ESRRB: variants seen among roughly 807,000 people sequenced by gnomAD.
The protein encoded by ESRRB is steroid hormone receptor ERR2.
A neutral mutation model predicts 46.0 loss-of-function variants in ESRRB; 16 were observed. The observed-to-expected ratio is 0.35, with a 90% confidence interval of 0.24 to 0.53. The LOEUF (loss-of-function observed/expected upper bound fraction) is 0.53. Among genes scored for constraint, ESRRB ranks in the 20% least tolerant of loss-of-function variants. The probability of loss-of-function intolerance (pLI) is 0.93; values close to 1 mark genes in which losing one functional copy is unlikely to be tolerated. For synonymous variants in ESRRB, 246 were observed against 259.6 expected, an observed-to-expected ratio of 0.95 and a Z score of 0.50; for missense variants, 488 against 607.4, an observed-to-expected ratio of 0.80 and a Z score of 2.07.
intron 2 of ESRRB, among the ~76,000 whole-genome samples, chr14:76,458,443 C>T (rs1164099882): frequency 8.0e-6 from 1 of 124,420 alleles, no homozygotes; most frequent in Non-Finnish European, 1.7e-5. Flanking sequence ...CACACACACA[C>T]ACACACACAC....
At chr14:76,394,915 A>G (rs1885611565) in intron 1 of ESRRB, among the ~76,000 whole-genome samples, 1 of 152,212 alleles carries the variant, frequency 6.6e-6, no homozygotes, top group Non-Finnish European at 1.5e-5. Context: ...AAGAAAATTA[A>G]AAGATAAAAA....
chr14:76,449,635 T>A (rs1019319218), intron 2 of ESRRB, among the ~76,000 whole-genome samples: 3 of 152,172 alleles, frequency 2.0e-5, no homozygotes, highest in Admixed American at 6.5e-5. Flanking sequence ...GCGGTCTTCT[T>A]AGGACCATGT....
At chr14:76,366,096 A>C (rs145052898) in intron 1 of ESRRB, among the ~76,000 whole-genome samples, 173 of 152,284 alleles carry the variant, frequency 1.1e-3, no homozygotes, top group African/African-American at 2.8e-3. Flanking sequence ...ACCTTCAGGG[A>C]GTGATCGTAT....
intron 1 of ESRRB, among the ~76,000 whole-genome samples, chr14:76,421,086 G>A (rs1886934423): frequency 6.6e-6 from 1 of 152,194 alleles, no homozygotes; most frequent in Non-Finnish European, 1.5e-5. Flanking sequence ...AGTCTGTTTG[G>A]CCTGCCAGCT....
intron 1 of ESRRB, among the ~76,000 whole-genome samples, chr14:76,386,439 A>G (rs1054622525): frequency 6.7e-6 from 1 of 148,548 alleles, no homozygotes; most frequent in Non-Finnish European, 1.5e-5. Context: ...GATTAATTCT[A>G]GGTTCGGTTT....
At chr14:76,492,495 T>C (rs1427629322) in intron 6 of ESRRB, among the ~76,000 whole-genome samples, 9 of 152,220 alleles carry the variant, frequency 5.9e-5, no homozygotes, top group Non-Finnish European at 1.0e-4. Context: ...TAGGAGTTTA[T>C]TGAATTCTTA....
intron 5 of ESRRB, among the ~76,000 whole-genome samples, chr14:76,489,321 C>G (rs1333871004): frequency 2.6e-5 from 4 of 152,066 alleles, no homozygotes; most frequent in Admixed American, 6.6e-5. Flanking sequence ...CAAGGCCTCT[C>G]TCCTACTCAA....
chr14:76,356,114 A>T (rs1417088814), intron 1 of ESRRB, among the ~76,000 whole-genome samples: 1 of 152,302 alleles, frequency 6.6e-6, no homozygotes, highest in Non-Finnish European at 1.5e-5. Flanking sequence ...GCCCTTTCTC[A>T]TCATCACCAC....
intron 1 of ESRRB, among the ~76,000 whole-genome samples, chr14:76,344,079 A>G (rs1194063740): frequency 6.6e-6 from 1 of 152,230 alleles, no homozygotes; most frequent in Non-Finnish European, 1.5e-5. Flanking sequence ...TTAGCTTCAG[A>G]AATATTTCAT....
chr14:76,393,903 C>G (rs142110369), intron 1 of ESRRB, among the ~76,000 whole-genome samples: 8,307 of 151,902 alleles, frequency 0.055, 339 homozygotes, highest in East Asian at 0.14. Flanking sequence ...CAGGTTCAAG[C>G]GAATCTCCTG....
Position 76,376,749 on chromosome 14 carries a change from A to G in ESRRB, c.50+298A>G, listed in dbSNP as rs1884782577. Among the ~76,000 whole-genome samples, 1 of 152,042 alleles carries G rather than the reference A, an allele frequency of 6.6e-6. No individual in the cohort carries two copies. The highest frequency in any genetic ancestry group is 2.4e-5 in the African/African-American group (1 of 41,390). On this transcript the variant is annotated intron_variant, in intron 1 of 6. Transcript: ENST00000644823. The surrounding 1 kb of genome is among the most constrained non-coding windows in gnomAD (Gnocchi z 4.1). ...CTCTCTGATCTTGCTCCGGGGTGAGAAAATATTTGAGTTTTTGTGGAATGG... is the reference window on the plus strand; with the variant it reads ...CTCTCTGATCTTGCTCCGGGGTGAGGAAATATTTGAGTTTTTGTGGAATGG...
At chr14:76,382,896 T>C (rs1885072135) in intron 1 of ESRRB, among the ~76,000 whole-genome samples, 1 of 152,228 alleles carries the variant, frequency 6.6e-6, no homozygotes, top group Non-Finnish European at 1.5e-5. Flanking sequence ...CTCTATTCAA[T>C]ATTGTCATTC....
rs1376164768 is a variant in ESRRB, at chr14:76,501,725, A to G, written c.*3267A>G. On this transcript the variant is annotated 3_prime_UTR_variant, in exon 7 of 7. Coordinates refer to ENST00000644823, the MANE Select transcript of ESRRB (RefSeq NM_001379180.1). The stretch of plus-strand genomic sequence containing the variant: ...CCCCATTGCAGCATCACCTACTTGT[A>G]TGTCTTTCTGCCTCTGTATATGTTC... 1 of 152,196 alleles carries G rather than the reference A, an allele frequency of 6.6e-6. No individual in the cohort carries two copies. Among genetic ancestry groups the G allele is most frequent in the Non-Finnish European group, 1.5e-5 (1 of 68,036 alleles). The allele number at this position is 152,196 out of a possible 1,614,324, so 9.4% of individuals were successfully genotyped here. A position where few individuals can be genotyped will look rare whatever the true frequency, so the allele number is the denominator to read the frequency against.
At chr14:76,405,390 G>A (rs1886139677) in intron 1 of ESRRB, among the ~76,000 whole-genome samples, 1 of 152,148 alleles carries the variant, frequency 6.6e-6, no homozygotes, top group South Asian at 2.1e-4. Context: ...GGGGTTACAG[G>A]TGTGAGCCAC....
Position 76,362,586 on chromosome 14 carries a change from A to G in ESRRB, c.2+51670A>G, listed in dbSNP as rs575910237. On this transcript the variant is annotated intron_variant, in intron 1 of 6. Transcript: ENST00000512784. Reference sequence around the variant, plus strand: ...ACTTTTAACTATGGCCTCCTTTGACACAGCACCAGAGCCTCCAGAAGGGTT... The same window carrying G: ...ACTTTTAACTATGGCCTCCTTTGACGCAGCACCAGAGCCTCCAGAAGGGTT... Among the ~76,000 whole-genome samples, 8 of 152,302 alleles carry G rather than the reference A, an allele frequency of 5.3e-5. No homozygotes were observed. The South Asian group carries it at 1.2e-3, about 24-fold the overall frequency.
At chr14:76,480,327 A>G (rs530709817) in intron 3 of ESRRB, among the ~76,000 whole-genome samples, 1 of 152,324 alleles carries the variant, frequency 6.6e-6, no homozygotes, top group African/African-American at 2.4e-5. Context: ...AACTCACAGC[A>G]TCCTTGCCCT....
At chr14:76,448,328 CT>C (rs33918963) in intron 2 of ESRRB, among the ~76,000 whole-genome samples, 1,530 of 133,434 alleles carry the variant, frequency 0.011, 20 homozygotes, top group African/African-American at 0.038. Flanking sequence ...ATTTACTTAC[CT>C]TTTTTTTTTT....
At chr14:76,393,496 C>A (rs1885549597) in intron 1 of ESRRB, among the ~76,000 whole-genome samples, 1 of 152,188 alleles carries the variant, frequency 6.6e-6, no homozygotes, top group South Asian at 2.1e-4. Context: ...AAAAATTTTA[C>A]ATTTTATGAC....
Position 76,462,688 on chromosome 14 carries a change from C to T in ESRRB, c.577+27C>T, listed in dbSNP as rs752702947. ...TAAGAGACCCCACCGAGTCGGGGTT[C>T]ACTGTGAGGCTCTGCTTGCTGGGGA... On this transcript the variant is annotated intron_variant, in intron 3 of 6. Coordinates refer to ENST00000644823, the MANE Select transcript of ESRRB (RefSeq NM_001379180.1). 1.1e-5 allele frequency: 17 copies of T among 1,522,424 alleles called. No individual in the cohort carries two copies. The South Asian group carries it at 1.8e-4, about 16-fold the overall frequency. The allele number at this position is 1,522,424 out of a possible 1,614,324, so 94.3% of individuals were successfully genotyped here.
Sources: allele counts gnomAD v4.1 joint callset (sites outside exome capture counted in the v4.1 genomes callset), GRCh38; gene constraint gnomAD v4.1.1; non-coding constraint Gnocchi (gnomAD v3.1); transcripts MANE v1.5; gene names NCBI Gene and HGNC (gene_info 2026-07-23, HGNC 2026-07-21).